NDUFAB1: variants seen among roughly 807,000 people sequenced by gnomAD.
The protein encoded by NDUFAB1 is NADH:ubiquinone oxidoreductase subunit AB1.
NDUFAB1 carries 5 observed loss-of-function variants against 16.1 expected under a neutral mutation model. The observed-to-expected ratio is 0.31, with a 90% CI of 0.16 to 0.65. NDUFAB1 has a LOEUF of 0.65. Among genes scored for constraint, NDUFAB1 ranks in the 30% least tolerant of loss-of-function variants. The pLI is 0.77. For synonymous variants in NDUFAB1, 85 were observed against 78.4 expected (o/e 1.08, Z -0.44); for missense variants, 187 against 205.3 (o/e 0.91, Z 0.54).
chr16:23,595,679 G>T (rs897647708), intron 1 of NDUFAB1: 1 of 460,094 alleles, frequency 2.2e-6, no homozygotes, highest in Non-Finnish European at 4.3e-6. Context: ...AGAGAAAACC[G>T]CTCTGGAGAA....
At chr16:23,582,495 C>T in intron 3 of NDUFAB1, 120 bp from the exon 4 acceptor site, 1 of 1,315,272 alleles carries the variant, frequency 7.6e-7, no homozygotes. Flanking sequence ...AACCTTGAAT[C>T]CCATATAGGT....
chr16:23,582,197 T>C (rs1336791648), intron 4 of NDUFAB1, 79 bp downstream of exon 4: 2 of 1,350,688 alleles, frequency 1.5e-6, no homozygotes, highest in Non-Finnish European at 1.9e-6. Flanking sequence ...ATTTCCATTT[T>C]CTGTTTCTTC....
chr16:23,595,576 C>G (rs1296360851), intron 1 of NDUFAB1: 3 of 455,910 alleles, frequency 6.6e-6, no homozygotes, highest in Middle Eastern at 3.2e-4. Context: ...CCTTATTGGT[C>G]AAAGGTCACT....
intron 1 of NDUFAB1, among the ~76,000 whole-genome samples, chr16:23,588,253 G>A (rs1431177237): frequency 6.6e-6 from 1 of 151,812 alleles, no homozygotes; most frequent in East Asian, 1.9e-4. Flanking sequence ...TCAGGAGTTC[G>A]AGACCAGCCT....
chr16:23,595,992 C>A (rs1966322297), intron 1 of NDUFAB1, 131 bp downstream of exon 1: 2 of 1,126,720 alleles, frequency 1.8e-6, no homozygotes, highest in African/African-American at 1.6e-5. Flanking sequence ...GGCAGCGGGG[C>A]TGCGGAGCGA....
chr16:23,586,874 C>G (rs1966237799), intron 2 of NDUFAB1, among the ~76,000 whole-genome samples: 1 of 148,866 alleles, frequency 6.7e-6, no homozygotes. Context: ...TCTTGAATTC[C>G]CGACCTCAGG....
At position 23,582,335 on chromosome 16, in the gene NDUFAB1, A is replaced by G. The variant is rs1966186630; in HGVS notation, c.420T>C (p.Cys140=). The G allele has an allele frequency of 6.3e-7, 1 of 1,583,300 alleles. No homozygotes were observed. The highest frequency in any genetic ancestry group is 1.4e-5 in the African/African-American group (1 of 73,946). Residue 140 remains cysteine, a synonymous_variant, in exon 4 of 5, where the codon TGT becomes TGC. Coordinates refer to ENST00000007516, the MANE Select transcript of NDUFAB1 (RefSeq NM_005003.3). Reference sequence around the variant, plus strand: ...CAATGTAATCTACAATTTCTTGTGGACACATTAACTTTTCAGCATCTATAT... The same window carrying G: ...CAATGTAATCTACAATTTCTTGTGGGCACATTAACTTTTCAGCATCTATAT... ...IPDIDAEKLM[C]PQEIVDYIAD... is the part of the protein sequence containing the mutation.
intron 3 of NDUFAB1, 66 bp from the exon 4 acceptor site, chr16:23,582,441 C>A: frequency 1.4e-6 from 2 of 1,443,624 alleles, no homozygotes; most frequent in South Asian, 1.5e-5. Flanking sequence ...ACTGAACACA[C>A]CTGACCCTTC....
chr16:23,587,446 T>C (rs1966243543), intron 1 of NDUFAB1, 127 bp from the exon 2 acceptor site: 1 of 1,202,998 alleles, frequency 8.3e-7, no homozygotes, highest in East Asian at 2.7e-5. Context: ...CTGATTCTCA[T>C]TGTGGCCACC....
At position 23,586,565 on chromosome 16, in the gene NDUFAB1, C is replaced by T. The variant is rs144113424; in HGVS notation, c.291+632G>A. Among the ~76,000 whole-genome samples the T allele has an allele frequency of 4.8e-3, 730 of 152,110 alleles. 7 individuals are homozygous for T. The highest frequency in any genetic ancestry group is 7.1e-3 in the Non-Finnish European group (485 of 68,008). On this transcript the variant is annotated intron_variant, in intron 2 of 4. Transcript: ENST00000007516. ...GGCCAGGCTGCTCTTCATTTCCTGA[C>T]CTCATGATCCACTCGCCTCGGCCTC...
Position 23,587,230 on chromosome 16 carries a change from T to C in NDUFAB1, c.258A>G (p.Val86=). ...LEGIQDRVLY[V]LKLYDKIDPE... is the part of the protein sequence containing the mutation. ...GGTCAATCTTGTCATAGAGTTTCAA[T>C]ACGTAAAGAACACGGTCCTGGATGC... The change falls in exon 2 of 5, where the codon GTA becomes GTG. Residue 86 remains valine, a synonymous_variant. Coordinates refer to ENST00000007516, the MANE Select transcript of NDUFAB1 (RefSeq NM_005003.3). The C allele has an allele frequency of 6.2e-7, 1 of 1,614,060 alleles. No homozygotes were observed. Among genetic ancestry groups the C allele is most frequent in the Non-Finnish European group, 8.5e-7 (1 of 1,179,972 alleles).
chr16:23,592,340 GAAAA>G (rs941048329), intron 1 of NDUFAB1, among the ~76,000 whole-genome samples: 3 of 120,642 alleles, frequency 2.5e-5, no homozygotes, highest in Non-Finnish European at 3.5e-5. Context: ...ACCTTGTCTG[GAAAA>G]AAAAAAAAAA....
At chr16:23,590,638 C>CTT (rs398042088) in intron 1 of NDUFAB1, among the ~76,000 whole-genome samples, 20 of 131,850 alleles carry the variant, frequency 1.5e-4, no homozygotes, top group South Asian at 4.9e-4. Flanking sequence ...CCTCTGGTCT[C>CTT]TTTTTTTTTT....
chr16:23,595,490 G>A (rs1966316520), intron 1 of NDUFAB1: 1 of 439,726 alleles, frequency 2.3e-6, no homozygotes, highest in Admixed American at 2.5e-5. Flanking sequence ...TATACGCGGG[G>A]CGGCACATCC....
intron 1 of NDUFAB1, among the ~76,000 whole-genome samples, chr16:23,589,755 T>G (rs1014887049): frequency 4.8e-5 from 7 of 145,844 alleles, no homozygotes; most frequent in African/African-American, 1.8e-4. Flanking sequence ...CCCAACACAG[T>G]GAAACCTCCA....
intron 1 of NDUFAB1, among the ~76,000 whole-genome samples, chr16:23,594,817 A>G (rs1430668799): frequency 2.0e-5 from 3 of 152,064 alleles, no homozygotes; most frequent in African/African-American, 7.2e-5. Flanking sequence ...ACTAACATGC[A>G]GTCAAGGTTG....
At chr16:23,593,296 G>A (rs1248818275) in intron 1 of NDUFAB1, among the ~76,000 whole-genome samples, 2 of 152,154 alleles carry the variant, frequency 1.3e-5, no homozygotes, top group African/African-American at 4.8e-5. Context: ...GTCCCAACAA[G>A]GTAGGAGGAC....
intron 2 of NDUFAB1, among the ~76,000 whole-genome samples, chr16:23,586,246 A>G (rs1049304998): frequency 1.3e-5 from 2 of 150,484 alleles, no homozygotes; most frequent in Non-Finnish European, 3.0e-5. Flanking sequence ...CTATCACCCT[A>G]TCACTCTAAT....
Position 23,582,339 on chromosome 16 carries a change from ATTAACT to A in NDUFAB1, c.410_415del (p.Lys137_Leu138del), listed in dbSNP as rs774027948. On this transcript the variant is annotated inframe_deletion, in exon 4 of 5. Coordinates refer to ENST00000007516, the MANE Select transcript of NDUFAB1 (RefSeq NM_005003.3). ...GTAATCTACAATTTCTTGTGGACAC[ATTAACT>A]TTTCAGCATCTATATCAGGAATTTC... is the stretch of plus-strand genomic sequence containing the variant. The A allele has an allele frequency of 2.5e-6, 4 of 1,583,222 alleles. No homozygotes were observed. Among genetic ancestry groups the A allele is most frequent in the Non-Finnish European group, 3.4e-6 (4 of 1,166,108 alleles).
Sources: allele counts gnomAD v4.1 joint callset (sites outside exome capture counted in the v4.1 genomes callset), GRCh38; gene constraint gnomAD v4.1.1; transcripts MANE v1.5; gene names NCBI Gene and HGNC (gene_info 2026-07-23, HGNC 2026-07-21).